The following TET3 variants were observed in gnomAD, a reference collection of about 807,000 sequenced individuals.
TET3 encodes methylcytosine dioxygenase TET3.
A neutral mutation model predicts 141.4 loss-of-function variants in TET3; 19 were observed. That is an observed-to-expected ratio of 0.13 (90% CI 0.09 to 0.20). TET3 has a LOEUF of 0.20. Ranked by LOEUF, TET3 falls within the 10% of genes least tolerant of loss-of-function variation. The pLI is 1.00. For missense variants in TET3, 1,874 were observed against 2,356.9 expected (o/e 0.80, Z 4.24); for synonymous variants, 1,043 against 980.9 (o/e 1.06, Z -1.18).
At chr2:74,092,313 A>C (rs1690543254) in intron 8 of TET3, among the ~76,000 whole-genome samples, 1 of 152,160 alleles carries the variant, frequency 6.6e-6, no homozygotes, top group African/African-American at 2.4e-5. Flanking sequence ...AGAAAAAAAA[A>C]AATTAGAATT....
At chr2:74,134,639 G>C in the TET3 span, 1 of 455,102 alleles carries the variant, frequency 2.2e-6, no homozygotes, top group Non-Finnish European at 4.4e-6. Context: ...CTGGCTGATG[G>C]GAGCAGAAAA....
intron 3 of TET3, among the ~76,000 whole-genome samples, chr2:74,006,738 C>A (rs1165327408): frequency 3.9e-5 from 6 of 152,228 alleles, no homozygotes; most frequent in East Asian, 1.9e-4. Flanking sequence ...TTGGGTCTCA[C>A]AATCCTCTTA....
At chr2:74,060,474 C>T (rs895342300) in intron 4 of TET3, among the ~76,000 whole-genome samples, 5 of 152,116 alleles carry the variant, frequency 3.3e-5, no homozygotes, top group Admixed American at 6.5e-5. Flanking sequence ...GTTCGACTTA[C>T]TTAAGTCACC....
At chr2:74,003,243 A>G in intron 3 of TET3, 77 bp downstream of exon 3, 1 of 1,533,382 alleles carries the variant, frequency 6.5e-7, no homozygotes, top group Non-Finnish European at 8.8e-7. Context: ...GGATAAAAAT[A>G]AAGGGTCTCC....
At chr2:74,108,726 AAGG>A (rs371452543), downstream of TET3, among the ~76,000 whole-genome samples, 1 of 152,192 alleles carries the variant, frequency 6.6e-6, no homozygotes, top group Non-Finnish European at 1.5e-5. Context: ...TGAATTGAGG[AAGG>A]AGGAGAGAGA....
chr2:74,124,338 GC>G, the TET3 span, among the ~76,000 whole-genome samples: 2 of 149,738 alleles, frequency 1.3e-5, no homozygotes, highest in African/African-American at 4.9e-5. Flanking sequence ...CCGGCCAGCC[GC>G]CCCGTCCGGG....
chr2:74,015,402 T>A (rs1685676496), intron 3 of TET3, among the ~76,000 whole-genome samples: 1 of 152,208 alleles, frequency 6.6e-6, no homozygotes, highest in African/African-American at 2.4e-5. Context: ...TCCATCCCAG[T>A]ATAATCACTA....
chr2:74,100,275 C>T (rs757361779), intron 11 of TET3, 118 bp from the exon 12 acceptor site: 3 of 1,148,068 alleles, frequency 2.6e-6, no homozygotes, highest in Admixed American at 4.5e-5. Context: ...ACCTGCCTGT[C>T]CCAAAAGAGG....
chr2:74,033,789 G>T (rs74826743), intron 3 of TET3, among the ~76,000 whole-genome samples: 1,926 of 152,298 alleles, frequency 0.013, 41 homozygotes, highest in African/African-American at 0.044. Context: ...TATTGAAAAT[G>T]ACACCAGTAA....
chr2:74,074,233 C>T (rs1381603557), intron 5 of TET3, among the ~76,000 whole-genome samples: 1 of 152,108 alleles, frequency 6.6e-6, no homozygotes. Flanking sequence ...TACGTTTATC[C>T]AAGAAGTCCT....
rs1426647020 is a variant in TET3, at chr2:74,032,449, CTCTG to C, written c.361-13827_361-13824del. Among the ~76,000 whole-genome samples, 73 of 42,072 alleles carry C rather than the reference CTCTG, an allele frequency of 1.7e-3. 1 individual carries two copies. The highest frequency in any genetic ancestry group is 3.2e-3 in the South Asian group (6 of 1,852). The allele number at this position is 42,072 out of a possible 152,430, so 27.6% of individuals were successfully genotyped here. On this transcript the variant is annotated intron_variant, in intron 3 of 11. Coordinates refer to ENST00000409262, the MANE Select transcript of TET3 (RefSeq NM_001287491.2). Reference sequence around the variant, plus strand: ...CCCAGCGGCTGCAAGAGGGGTGTGTCTCTGTGTGTGTGTGTGTGTGTGTGTGTGT... The same window carrying C: ...CCCAGCGGCTGCAAGAGGGGTGTGTCTGTGTGTGTGTGTGTGTGTGTGTGT...
In TET3 at chr2:74,048,426, G is replaced by A. The variant is rs760542042; in HGVS notation, c.2494+15G>A. ...CGATTGCGTCGGTAAGTCCGCCTGG[G>A]TATCAGGGAAGGGCAGAGAAAGGGC... On this transcript the variant is annotated intron_variant, in intron 4 of 11. Coordinates refer to ENST00000409262, the MANE Select transcript of TET3 (RefSeq NM_001287491.2). The A allele has an allele frequency of 1.2e-5, 19 of 1,592,476 alleles. No individual in the cohort carries two copies. The highest frequency in any genetic ancestry group is 1.5e-5 in the Non-Finnish European group (18 of 1,167,616).
At chr2:74,058,830 A>C (rs758960126) in intron 4 of TET3, among the ~76,000 whole-genome samples, 1 of 152,170 alleles carries the variant, frequency 6.6e-6, no homozygotes, top group Admixed American at 6.5e-5. Context: ...GCCCACACTC[A>C]TGTATAAAAG....
At chr2:74,100,337 C>A in intron 11 of TET3, 56 bp from the exon 12 acceptor site, 1 of 1,522,446 alleles carries the variant, frequency 6.6e-7, no homozygotes, top group Non-Finnish European at 8.9e-7. Context: ...GACCCAGGGC[C>A]TCTCCAGGCT....
downstream of TET3, among the ~76,000 whole-genome samples, chr2:74,113,006 CAAAAAAAAAAAAAAA>C (rs60299737): frequency 2.9e-5 from 1 of 34,398 alleles, no homozygotes; most frequent in Non-Finnish European, 5.7e-5. Flanking sequence ...GACTCCGTCT[CAAAAAAAAAAAAAAA>C]AAAAAAAAAA....
Position 74,106,682 on chromosome 2 carries a change from A to T in TET3, c.*4506A>T, listed in dbSNP as rs1305691065. ...CCTAAATTTCTTCTTGGGTCCACAGAAGTTGATGTTTTAAAAACTCACCAG... is the reference window on the plus strand; with the variant it reads ...CCTAAATTTCTTCTTGGGTCCACAGTAGTTGATGTTTTAAAAACTCACCAG... On this transcript the variant is annotated 3_prime_UTR_variant, in exon 12 of 12. Transcript: ENST00000409262. 1.3e-5 allele frequency: 2 copies of T among 153,790 alleles called. No homozygotes were observed. The highest frequency in any genetic ancestry group is 4.8e-5 in the African/African-American group (2 of 41,470). 9.5% of individuals were successfully genotyped at this position (153,790 alleles called of 1,614,324 possible). A position where few individuals can be genotyped will look rare whatever the true frequency, so the allele number is the denominator to read the frequency against.
chr2:74,046,251 C>A lies in TET3; in HGVS notation c.361-27C>A. On this transcript the variant is annotated intron_variant, in intron 3 of 11. Coordinates refer to ENST00000409262, the MANE Select transcript of TET3 (RefSeq NM_001287491.2). This position sits in a 1 kb window ranked among gnomAD's most constrained non-coding sequence, Gnocchi z 4.3. ...TCAAATAGTGTGGTTCATTTTTTTC[C>A]TTTTTCCCCCTTCTCTCTCTCTTTA... is the stretch of plus-strand genomic sequence containing the variant. 6.8e-7 allele frequency: 1 copy of A among 1,461,444 alleles called. No homozygotes were observed. The highest frequency in any genetic ancestry group is 9.0e-7 in the Non-Finnish European group (1 of 1,108,242). The allele number at this position is 1,461,444 out of a possible 1,614,324, so 90.5% of individuals were successfully genotyped here.
chr2:74,044,225 T>C (rs972998084), intron 3 of TET3, among the ~76,000 whole-genome samples: 2 of 152,166 alleles, frequency 1.3e-5, no homozygotes, highest in African/African-American at 4.8e-5. Flanking sequence ...TAAAACACTT[T>C]GTGTTATACT....
At chr2:74,088,253 T>C (rs1011101944) in intron 7 of TET3, among the ~76,000 whole-genome samples, 1 of 152,194 alleles carries the variant, frequency 6.6e-6, no homozygotes, top group African/African-American at 2.4e-5. Context: ...CTAGTTTGAC[T>C]TCACCGTTAA....
Sources: allele counts gnomAD v4.1 joint callset (sites outside exome capture counted in the v4.1 genomes callset), GRCh38; gene constraint gnomAD v4.1.1; non-coding constraint Gnocchi (gnomAD v3.1); transcripts MANE v1.5; gene names NCBI Gene and HGNC (gene_info 2026-07-23, HGNC 2026-07-21).